The following PSD3 variants were observed in gnomAD, a reference collection of about 807,000 sequenced individuals.
PSD3 encodes the protein pleckstrin and Sec7 domain containing 3, also known as PH and SEC7 domain-containing protein 3.
A neutral mutation model predicts 105.5 loss-of-function variants in PSD3; 49 were observed. The observed-to-expected ratio is 0.46, with a 90% CI of 0.37 to 0.59. The LOEUF (loss-of-function observed/expected upper bound fraction) is 0.59. Ranked by LOEUF, PSD3 falls within the 20% of genes least tolerant of loss-of-function variation. PSD3 has a pLI of 0.00. For synonymous variants in PSD3, 557 were observed against 457.8 expected (o/e 1.22, Z -2.77); for missense variants, 1,561 against 1,263.8 (o/e 1.24, Z -3.57).
intron 2 of PSD3, among the ~76,000 whole-genome samples, chr8:18,912,281 A>G (rs1820275308): frequency 6.6e-6 from 1 of 152,224 alleles, no homozygotes; most frequent in Non-Finnish European, 1.5e-5. Flanking sequence ...AAAGAGTATT[A>G]ACTCCGAAAC....
rs188900344 is a variant in PSD3, at chr8:19,064,000, G to T, written c.324+20206C>A. ...CTACTAAAAATACAAAATTAGCCAG[G>T]CGTGGTGGTGCACACCTGTAATCCC... On this transcript the variant is annotated intron_variant, in intron 1 of 1. Coordinates refer to the PSD3 transcript ENST00000521475. 1.6e-4 allele frequency among the ~76,000 whole-genome samples: 24 copies of T among 152,092 alleles called. No homozygotes were observed. In the East Asian group the frequency reaches 4.1e-3, roughly 26 times the overall value.
rs201072545 is a variant in PSD3, at chr8:19,078,673, A to C, written c.324+5533T>G. On this transcript the variant is annotated intron_variant, in intron 1 of 1. Coordinates refer to the PSD3 transcript ENST00000521475. ...GTGAGCCGCACCTACCTCTGTGCCC[A>C]CCATAGTAGACTTAGTGGGTACCAG... 2.6e-5 allele frequency among the ~76,000 whole-genome samples: 4 copies of C among 151,920 alleles called. No individual in the cohort carries two copies. The East Asian group carries it at 7.8e-4, about 30-fold the overall frequency.
chr8:18,867,130 A>G (rs965343080), intron 4 of PSD3, among the ~76,000 whole-genome samples: 1 of 152,188 alleles, frequency 6.6e-6, no homozygotes, highest in Non-Finnish European at 1.5e-5. Context: ...CTAGACCAAG[A>G]TATCAGCTCT....
chr8:19,047,210 G>A (rs10503646), intron 1 of PSD3, among the ~76,000 whole-genome samples: 15,408 of 152,114 alleles, frequency 0.1, 993 homozygotes, highest in East Asian at 0.23. Flanking sequence ...ATGATAAAAC[G>A]CACTCCTGAT....
intron 1 of PSD3, among the ~76,000 whole-genome samples, chr8:19,074,611 A>ATATATATATATATAT (rs1324257417): frequency 4.1e-5 from 1 of 24,228 alleles, no homozygotes; most frequent in African/African-American, 1.6e-4. Flanking sequence ...ATATATATAT[A>ATATATATATATATAT]TTTTTTTTTT....
chr8:18,589,175 G>A (rs1055295288), intron 12 of PSD3, among the ~76,000 whole-genome samples: 1 of 152,150 alleles, frequency 6.6e-6, no homozygotes, highest in African/African-American at 2.4e-5. Flanking sequence ...CAGAGTAGCT[G>A]ACTTATAAAC....
chr8:18,612,541 T>A (rs1805342781), intron 11 of PSD3, among the ~76,000 whole-genome samples: 1 of 151,998 alleles, frequency 6.6e-6, no homozygotes, highest in African/African-American at 2.4e-5. Flanking sequence ...CTGGATAATG[T>A]TGTTGTATTT....
rs774041739 is a variant in PSD3 at position 18,867,879 on chromosome 8, G to A, written c.1429C>T (p.Pro477Ser). Residue 477 changes from proline (P) to serine (S), a missense_variant, in exon 4 of 16, where the codon CCC becomes TCC. Pro to Ser is a moderately conservative substitution (Grantham distance 74). Transcript: ENST00000327040. ...CGCTGTTGTATCATTGGAGTGAGGG[G>A]CATTTCAAAGCTAAAATAGCTATCA... ...EPDSYFSFEM[P>S]LTPMIQQRIK... 10 of 1,614,148 alleles carry A rather than the reference G, an allele frequency of 6.2e-6. No individual in the cohort carries two copies. The Admixed American group carries it at 6.7e-5, about 11-fold the overall frequency.
intron 1 of PSD3, among the ~76,000 whole-genome samples, chr8:18,968,790 C>T (rs1824445522): frequency 2.7e-5 from 4 of 147,396 alleles, no homozygotes; most frequent in South Asian, 2.2e-4. Flanking sequence ...GCAGAAGAAT[C>T]GCTTGAACCC....
intron 9 of PSD3, among the ~76,000 whole-genome samples, chr8:18,667,792 G>A (rs1167928434): frequency 6.6e-6 from 1 of 152,230 alleles, no homozygotes; most frequent in Non-Finnish European, 1.5e-5. Flanking sequence ...GGGAGGCTCA[G>A]GCATGGCGGG....
chr8:18,851,876 A>G (rs1317212009), intron 4 of PSD3, among the ~76,000 whole-genome samples: 2 of 152,174 alleles, frequency 1.3e-5, no homozygotes, highest in East Asian at 3.9e-4. Context: ...TGGAACTTTT[A>G]CCGTTGGCAT....
At chr8:18,804,238 C>G (rs977805542) in intron 6 of PSD3, 5 of 283,132 alleles carry the variant, frequency 1.8e-5, no homozygotes, top group Non-Finnish European at 2.6e-5. Context: ...ATCTACAACA[C>G]TTTTCAGTGC....
chr8:19,040,156 C>T (rs1043222202), intron 1 of PSD3, among the ~76,000 whole-genome samples: 1 of 152,140 alleles, frequency 6.6e-6, no homozygotes, highest in Non-Finnish European at 1.5e-5. Context: ...AGAGCCAGGA[C>T]CCTAGGCCTC....
intron 4 of PSD3, among the ~76,000 whole-genome samples, chr8:18,854,965 T>G (rs1394358318): frequency 6.6e-6 from 1 of 152,188 alleles, no homozygotes; most frequent in Non-Finnish European, 1.5e-5. Context: ...AGGCAACAAC[T>G]GCCACAGAGG....
chr8:18,871,730 T>C lies in PSD3; in HGVS notation c.1134A>G (p.Thr378=), dbSNP rs1817362413. ...PSERPGTSSG[T]FSPVRLDESG... ...TCTCATCAAGACGCACAGGGGAAAA[T>C]GTCCCCGAGCTAGTGCCAGGCCTCT... Residue 378 remains threonine, a synonymous_variant, in exon 3 of 16, where the codon ACA becomes ACG. Coordinates refer to ENST00000327040, the MANE Select transcript of PSD3 (RefSeq NM_015310.4). The C allele has an allele frequency of 6.2e-7, 1 of 1,614,010 alleles. No individual in the cohort carries two copies. Among genetic ancestry groups the C allele is most frequent in the South Asian group, 1.1e-5 (1 of 91,090 alleles).
chr8:18,813,518 C>G (rs550740345), intron 4 of PSD3, among the ~76,000 whole-genome samples: 1 of 152,298 alleles, frequency 6.6e-6, no homozygotes, highest in Admixed American at 6.5e-5. Context: ...AGAAATATGT[C>G]TAGCAGTAGT....
In PSD3 at chr8:18,866,562, C is replaced by T. The variant is rs556106373; in HGVS notation, c.1634+1112G>A. 9.9e-5 allele frequency among the ~76,000 whole-genome samples: 15 copies of T among 152,274 alleles called. 1 individual carries two copies. Among genetic ancestry groups the T allele is most frequent in the South Asian group, 2.1e-4 (1 of 4,830 alleles). On this transcript the variant is annotated intron_variant, in intron 4 of 15. Transcript: ENST00000327040. ...AGACCAAAGTCTTGTGGTTTTGACA[C>T]CTTGTTCTTTTTATTCTCACTGTGA... is the stretch of plus-strand genomic sequence containing the variant.
chr8:18,993,913 A>G (rs1196403511), intron 1 of PSD3, among the ~76,000 whole-genome samples: 2 of 151,996 alleles, frequency 1.3e-5, no homozygotes, highest in African/African-American at 4.8e-5. Context: ...CACTTTTTTC[A>G]GCTAAAGAGC....
intron 1 of PSD3, among the ~76,000 whole-genome samples, chr8:19,028,321 GGAAGATTGT>G (rs1230095508): frequency 9.4e-6 from 1 of 106,754 alleles, no homozygotes; most frequent in Non-Finnish European, 1.7e-5. Context: ...TTTTGGAGTT[GGAAGATTGT>G]GAAGATTGTG....
Sources: allele counts gnomAD v4.1 joint callset (sites outside exome capture counted in the v4.1 genomes callset), GRCh38; gene constraint gnomAD v4.1.1; transcripts MANE v1.5; gene names NCBI Gene and HGNC (gene_info 2026-07-23, HGNC 2026-07-21).